Variants in THRB observed in about 807,000 individuals in gnomAD.
THRB encodes the protein nuclear receptor subfamily 1 group A member 2.
THRB carries 12 observed loss-of-function variants against 47.8 expected under a neutral mutation model. That is an observed-to-expected ratio of 0.25 (90% confidence interval 0.16 to 0.41). THRB has a LOEUF of 0.41. Ranked by LOEUF, THRB falls within the 10% of genes least tolerant of loss-of-function variation. The probability of loss-of-function intolerance (pLI) is 1.00; values close to 1 mark genes in which losing one functional copy is unlikely to be tolerated. For synonymous variants in THRB, 218 were observed against 212.2 expected, an observed-to-expected ratio of 1.03 and a Z score of -0.24; for missense variants, 348 against 589.2, an observed-to-expected ratio of 0.59 and a Z score of 4.24.
chr3:24,134,502 G>A (rs972838595), intron 8 of THRB, among the ~76,000 whole-genome samples: 3 of 152,114 alleles, frequency 2.0e-5, no homozygotes, highest in African/African-American at 7.2e-5. Flanking sequence ...CTGATTCGCA[G>A]GTGAGCAAAC....
At chr3:24,317,531 C>A (rs553656765) in intron 2 of THRB, among the ~76,000 whole-genome samples, 1 of 152,290 alleles carries the variant, frequency 6.6e-6, no homozygotes, top group East Asian at 1.9e-4. Flanking sequence ...GAACATTACT[C>A]AATCCCATAA....
Position 24,445,679 on chromosome 3 carries a change from G to A in THRB, c.-261+48973C>T, listed in dbSNP as rs2071999869. Among the ~76,000 whole-genome samples, 4 of 151,910 alleles carry A rather than the reference G, an allele frequency of 2.6e-5. No individual in the cohort carries two copies. The South Asian group carries it at 8.4e-4, about 32-fold the overall frequency. On this transcript the variant is annotated intron_variant, in intron 1 of 10. Coordinates refer to ENST00000646209, the MANE Select transcript of THRB (RefSeq NM_001354712.2). ...TAGTCACGACACAGAGAGTAGGTGT[G>A]TAAATTAATATCTTTGGCCACATCG...
At chr3:24,366,192 A>C (rs749661309) in intron 1 of THRB, among the ~76,000 whole-genome samples, 4 of 152,176 alleles carry the variant, frequency 2.6e-5, no homozygotes, top group Non-Finnish European at 5.9e-5. Context: ...GTATACACAT[A>C]TGTCTATGGT....
At chr3:24,301,892 A>G (rs1412417239) in intron 2 of THRB, among the ~76,000 whole-genome samples, 13 of 152,194 alleles carry the variant, frequency 8.5e-5, no homozygotes, top group Middle Eastern at 3.2e-3. Context: ...GAGATGCAAC[A>G]TTGTTGACTT....
intron 3 of THRB, among the ~76,000 whole-genome samples, chr3:24,244,134 C>A (rs1398295077): frequency 6.6e-6 from 1 of 151,906 alleles, no homozygotes; most frequent in Non-Finnish European, 1.5e-5. Flanking sequence ...ACAAGGGATC[C>A]TTTTGGGGTG....
intron 5 of THRB, chr3:24,165,545 C>G (rs1388670932): frequency 3.6e-6 from 2 of 558,472 alleles, no homozygotes; most frequent in South Asian, 2.5e-5. Flanking sequence ...TGTAATAGCA[C>G]CTGATGTGCT....
chr3:24,151,511 G>A (rs2036935191), intron 6 of THRB, among the ~76,000 whole-genome samples: 1 of 152,284 alleles, frequency 6.6e-6, no homozygotes, highest in South Asian at 2.1e-4. Context: ...AGGTAAAAAA[G>A]ACAAGGTATT....
chr3:24,336,078 G>A lies in THRB; in HGVS notation c.-189+1222C>T, dbSNP rs138526765. ...TATTTGTAAAGATGAAAAACACTTAGAGAACCATAGGTCTTGAAGATTCTT... is the reference window on the plus strand; with the variant it reads ...TATTTGTAAAGATGAAAAACACTTAAAGAACCATAGGTCTTGAAGATTCTT... On this transcript the variant is annotated intron_variant, in intron 2 of 10. Transcript: ENST00000646209. Among the ~76,000 whole-genome samples, 21 of 152,342 alleles carry A rather than the reference G, an allele frequency of 1.4e-4. No individual in the cohort carries two copies. The East Asian group carries it at 4.0e-3, about 29-fold the overall frequency.
intron 1 of THRB, chr3:24,459,245 GAGA>G (rs2073472559): frequency 6.6e-6 from 1 of 152,198 alleles, no homozygotes; most frequent in Admixed American, 6.5e-5. Context: ...ATAGCTTGCT[GAGA>G]ATGATGGTTT....
At chr3:24,181,028 C>T (rs916419025) in intron 5 of THRB, among the ~76,000 whole-genome samples, 2 of 152,122 alleles carry the variant, frequency 1.3e-5, no homozygotes, top group Admixed American at 6.5e-5. Flanking sequence ...GCCTAGACTT[C>T]GTAGAGACTG....
At chr3:24,260,225 T>C (rs1461249413) in intron 3 of THRB, among the ~76,000 whole-genome samples, 3 of 152,192 alleles carry the variant, frequency 2.0e-5, no homozygotes, top group African/African-American at 7.2e-5. Flanking sequence ...GAAATGTTTT[T>C]TTCTGGGCAC....
intron 3 of THRB, among the ~76,000 whole-genome samples, chr3:24,293,020 T>TTTTG (rs34609074): frequency 0.72 from 108,604 of 151,688 alleles, 39,271 homozygotes; most frequent in African/African-American, 0.81. Context: ...GCTGCAAAGT[T>TTTTG]TTTGTTTGTT....
In THRB at chr3:24,440,094, T is replaced by C. The variant is rs545318464; in HGVS notation, c.-261+54558A>G. Among the ~76,000 whole-genome samples the C allele has an allele frequency of 8.5e-5, 13 of 152,346 alleles. No homozygotes were observed. The South Asian group carries it at 1.2e-3, about 15-fold the overall frequency. On this transcript the variant is annotated intron_variant, in intron 1 of 10. Transcript: ENST00000646209. ...AACTAAGTCGTAAATAACAAATCTATATATATTCGCATGTGCTGTCTGTCT... is the reference window on the plus strand; with the variant it reads ...AACTAAGTCGTAAATAACAAATCTACATATATTCGCATGTGCTGTCTGTCT...
At chr3:24,214,803 G>T (rs2046402405) in intron 4 of THRB, among the ~76,000 whole-genome samples, 1 of 152,220 alleles carries the variant, frequency 6.6e-6, no homozygotes, top group Non-Finnish European at 1.5e-5. Flanking sequence ...CTTAGCAATG[G>T]AAAGGCCACC....
At chr3:24,347,875 G>A (rs1033584759) in intron 1 of THRB, among the ~76,000 whole-genome samples, 1 of 152,078 alleles carries the variant, frequency 6.6e-6, no homozygotes, top group East Asian at 1.9e-4. Flanking sequence ...AACTGCTGGA[G>A]AGTGAGTTCT....
At chr3:24,456,337 A>G (rs1300416606) in intron 1 of THRB, among the ~76,000 whole-genome samples, 2 of 151,834 alleles carry the variant, frequency 1.3e-5, no homozygotes, top group Non-Finnish European at 2.9e-5. Flanking sequence ...CCTGTCTAAA[A>G]AAAAAAAAAA....
chr3:24,408,316 T>A (rs942033175), intron 1 of THRB, among the ~76,000 whole-genome samples: 1 of 151,858 alleles, frequency 6.6e-6, no homozygotes, highest in Non-Finnish European at 1.5e-5. Context: ...TATTCAGACA[T>A]AACGCTCTGA....
At chr3:24,399,665 A>G (rs963488956) in intron 1 of THRB, among the ~76,000 whole-genome samples, 3 of 152,098 alleles carry the variant, frequency 2.0e-5, no homozygotes, top group Non-Finnish European at 2.9e-5. Flanking sequence ...AAAAATTTAC[A>G]TATTTACAGA....
intron 5 of THRB, among the ~76,000 whole-genome samples, chr3:24,177,536 CAATT>C (rs2041325354): frequency 6.6e-6 from 1 of 152,112 alleles, no homozygotes; most frequent in Non-Finnish European, 1.5e-5. Flanking sequence ...TCAGAAGCCA[CAATT>C]AAATAAGGCA....
Sources: gnomAD v4.1 joint callset for allele counts (sites outside exome capture counted in the v4.1 genomes callset) on GRCh38, gnomAD v4.1.1 for gene constraint, MANE v1.5 for transcripts, NCBI Gene and HGNC (gene_info 2026-07-23, HGNC 2026-07-21) for gene names.